Variants in DNAAF4 observed in about 807,000 individuals in gnomAD.
DNAAF4 encodes dynein assembly factor 4, axonemal.
In DNAAF4, 43 loss-of-function variants were observed where a neutral mutation model predicts 51.8. The ratio of observed to expected loss-of-function variants is 0.83; its 90% confidence interval spans 0.65 to 1.07. The LOEUF is 1.07. DNAAF4 is among the 50% of genes least tolerant of loss of function. The pLI, the probability that DNAAF4 is intolerant of heterozygous loss-of-function variation, is 0.00. For missense variants in DNAAF4, 581 were observed against 493.0 expected (o/e 1.18, Z -1.69); for synonymous variants, 194 against 165.6 (o/e 1.17, Z -1.32).
At chr15:55,496,223 T>C (rs1235892770) in intron 3 of DNAAF4, among the ~76,000 whole-genome samples, 1 of 152,126 alleles carries the variant, frequency 6.6e-6, no homozygotes. Flanking sequence ...TGAGCGAGAC[T>C]CTGTCTTTCC....
At chr15:55,420,253 T>C (rs1439226058) in intron 7 of DNAAF4, among the ~76,000 whole-genome samples, 3 of 152,196 alleles carry the variant, frequency 2.0e-5, no homozygotes, top group African/African-American at 7.2e-5. Context: ...GGTATATTTT[T>C]ATAAATGCAA....
intron 4 of DNAAF4, among the ~76,000 whole-genome samples, chr15:55,473,221 A>ATATATATATG (rs1555418750): frequency 6.2e-5 from 6 of 97,168 alleles, no homozygotes; most frequent in Non-Finnish European, 6.1e-5. Context: ...ATATATATAT[A>ATATATATATG]TGTGTGTGTG....
intron 4 of DNAAF4, among the ~76,000 whole-genome samples, chr15:55,486,134 C>G (rs556721159): frequency 1.1e-4 from 17 of 151,800 alleles, no homozygotes; most frequent in African/African-American, 4.1e-4. Flanking sequence ...ACCTCAATCT[C>G]TCCCTTTCTG....
downstream of DNAAF4, among the ~76,000 whole-genome samples, chr15:55,430,052 T>G (rs1328830787): frequency 2.0e-5 from 3 of 152,188 alleles, no homozygotes; most frequent in Non-Finnish European, 4.4e-5. Flanking sequence ...CAAAAATTTA[T>G]CTTCACCAGA....
chr15:55,441,812 A>G (rs1378336126), intron 6 of DNAAF4, among the ~76,000 whole-genome samples: 3 of 152,074 alleles, frequency 2.0e-5, no homozygotes, highest in Admixed American at 6.5e-5. Flanking sequence ...TCTTTTTTAA[A>G]TGGCACAGTG....
intron 5 of DNAAF4, among the ~76,000 whole-genome samples, chr15:55,457,376 A>AC (rs2141479151): frequency 6.6e-6 from 1 of 151,050 alleles, no homozygotes; most frequent in South Asian, 2.1e-4. Flanking sequence ...AATCCCCTCC[A>AC]CCCCCACTGT....
chr15:55,435,737 G>C (rs992965341), intron 7 of DNAAF4, among the ~76,000 whole-genome samples: 4 of 152,118 alleles, frequency 2.6e-5, no homozygotes, highest in Non-Finnish European at 5.9e-5. Context: ...TTCAAATAAA[G>C]AGATGTACAC....
chr15:55,467,062 C>G lies in DNAAF4; in HGVS notation c.505G>C (p.Ala169Pro). ...LEAWKEYQRKAEEQKKIQREE... is the reference protein window; with the variant it reads ...LEAWKEYQRKPEEQKKIQREE... ...CTCTGAATTTTTTTTTGCTCCTCAGCTTTTCTTTGATATTCTTTCCAGGCT... is the reference window on the plus strand; with the variant it reads ...CTCTGAATTTTTTTTTGCTCCTCAGGTTTTCTTTGATATTCTTTCCAGGCT... The change falls in exon 5 of 10, where the codon GCT (alanine) becomes CCT (proline). Residue 169 changes from alanine (A) to proline (P), a missense_variant. Ala to Pro is a conservative substitution (Grantham distance 27, BLOSUM62 -1). Transcript: ENST00000321149. The G allele has an allele frequency of 6.4e-7, 1 of 1,552,718 alleles. No homozygotes were observed.
chr15:55,495,446 C>T (rs899673714), intron 3 of DNAAF4, among the ~76,000 whole-genome samples: 1 of 152,078 alleles, frequency 6.6e-6, no homozygotes, highest in African/African-American at 2.4e-5. Flanking sequence ...AAAAGAAATT[C>T]CAGGCAGTAG....
chr15:55,462,529 C>T (rs1278306848), intron 5 of DNAAF4, among the ~76,000 whole-genome samples: 1 of 151,798 alleles, frequency 6.6e-6, no homozygotes, highest in African/African-American at 2.4e-5. Flanking sequence ...AGAACTGGTA[C>T]CAATCCTATT....
chr15:55,473,601 T>C (rs186524593), intron 4 of DNAAF4, among the ~76,000 whole-genome samples: 14 of 152,130 alleles, frequency 9.2e-5, no homozygotes, highest in African/African-American at 3.4e-4. Context: ...GATGTCAGTG[T>C]ATGCCAAAAT....
At chr15:55,428,581 G>A (rs546346945), downstream of DNAAF4, among the ~76,000 whole-genome samples, 43 of 124,566 alleles carry the variant, frequency 3.5e-4, 1 homozygote, top group African/African-American at 1.2e-3. Context: ...TGCAACCTCC[G>A]CCTCCCGAGT....
At chr15:55,474,941 T>C (rs971513366) in intron 4 of DNAAF4, among the ~76,000 whole-genome samples, 2 of 152,194 alleles carry the variant, frequency 1.3e-5, no homozygotes, top group Admixed American at 6.5e-5. Flanking sequence ...ATCGCGCCAC[T>C]GCACGCCAGC....
intron 7 of DNAAF4, among the ~76,000 whole-genome samples, chr15:55,423,484 A>G (rs1301237513): frequency 1.3e-5 from 2 of 152,126 alleles, no homozygotes; most frequent in Non-Finnish European, 2.9e-5. Flanking sequence ...CTGGGATTAT[A>G]GGCATAACCC....
intron 4 of DNAAF4, among the ~76,000 whole-genome samples, chr15:55,474,916 T>C (rs1473518479): frequency 6.6e-6 from 1 of 151,976 alleles, no homozygotes. Context: ...GAAGTGGAGG[T>C]TGCAGTGAGC....
chr15:55,473,518 A>G lies in DNAAF4; in HGVS notation c.406-6357T>C, dbSNP rs529857939. On this transcript the variant is annotated intron_variant, in intron 4 of 9. Transcript: ENST00000321149. ...TAACTTAACCTAGGAAAATATTAAAATTATAATACACCTTGATCAAATAGG... is the reference window on the plus strand; with the variant it reads ...TAACTTAACCTAGGAAAATATTAAAGTTATAATACACCTTGATCAAATAGG... Among the ~76,000 whole-genome samples the G allele has an allele frequency of 3.3e-5, 5 of 151,684 alleles. 1 individual carries two copies. Among genetic ancestry groups the G allele is most frequent in the Middle Eastern group, 6.8e-3 (2 of 294 alleles).
intron 5 of DNAAF4, among the ~76,000 whole-genome samples, chr15:55,456,854 T>C (rs937751915): frequency 3.9e-5 from 6 of 152,286 alleles, no homozygotes; most frequent in Middle Eastern, 3.4e-3. Context: ...AAGAGCCCTA[T>C]AGGTACTTCC....
intron 4 of DNAAF4, among the ~76,000 whole-genome samples, chr15:55,477,347 C>T (rs1049498394): frequency 2.6e-5 from 4 of 152,140 alleles, no homozygotes; most frequent in African/African-American, 9.6e-5. Flanking sequence ...TTGCTTTCTA[C>T]TCTTTATTTA....
intron 6 of DNAAF4, among the ~76,000 whole-genome samples, chr15:55,445,422 TCTC>T (rs2057782990): frequency 6.6e-6 from 1 of 152,008 alleles, no homozygotes; most frequent in East Asian, 1.9e-4. Context: ...CAAAATGGAG[TCTC>T]CTATGTCTAC....
Sources: allele counts gnomAD v4.1 joint callset (sites outside exome capture counted in the v4.1 genomes callset), GRCh38; gene constraint gnomAD v4.1.1; transcripts MANE v1.5; gene names NCBI Gene and HGNC (gene_info 2026-07-23, HGNC 2026-07-21).